SLC16A10: variants seen among roughly 807,000 people sequenced by gnomAD.
SLC16A10 encodes the protein monocarboxylate transporter 10.
A neutral mutation model predicts 40.0 loss-of-function variants in SLC16A10; 27 were observed. That is an observed-to-expected ratio of 0.67 (90% CI 0.50 to 0.93). The LOEUF (loss-of-function observed/expected upper bound fraction) is 0.93, where lower values mean the gene tolerates loss of function less well. SLC16A10 is among the 40% of genes least tolerant of loss of function. SLC16A10 has a pLI of 0.00. For missense variants in SLC16A10, 529 were observed against 658.2 expected (o/e 0.80, Z 2.15); for synonymous variants, 213 against 249.8 (o/e 0.85, Z 1.39).
At chr6:111,218,708 G>C (rs914915999) in intron 4 of SLC16A10, 106 bp from the exon 5 acceptor site, 1 of 864,812 alleles carries the variant, frequency 1.2e-6, no homozygotes, top group Non-Finnish European at 1.9e-6. Flanking sequence ...CAGTGGCAGG[G>C]GGGAAAGGGG....
intron 1 of SLC16A10, among the ~76,000 whole-genome samples, chr6:111,103,492 A>G (rs1771227006): frequency 6.6e-6 from 1 of 152,178 alleles, no homozygotes; most frequent in South Asian, 2.1e-4. Flanking sequence ...TGCTGGGATT[A>G]TAGATGTGAG....
rs993207556 is a variant in SLC16A10, at chr6:111,226,213, T to A, written c.*3978T>A. On this transcript the variant is annotated 3_prime_UTR_variant, in exon 6 of 6. Transcript: ENST00000368851. ...CCATTGCCAAGTCTTTAGCATATTT[T>A]CAGAGAGCGTAATTTTTTACTTTGA... 1.3e-5 allele frequency: 2 copies of A among 152,212 alleles called. No homozygotes were observed. The highest frequency in any genetic ancestry group is 4.8e-5 in the African/African-American group (2 of 41,450). The allele number at this position is 152,212 out of a possible 1,614,324, so 9.4% of individuals were successfully genotyped here. A position where few individuals can be genotyped will look rare whatever the true frequency, so the allele number is the denominator to read the frequency against.
chr6:111,188,895 T>C (rs543459544), intron 3 of SLC16A10, among the ~76,000 whole-genome samples: 5 of 152,332 alleles, frequency 3.3e-5, no homozygotes, highest in South Asian at 2.1e-4. Flanking sequence ...GATAAGAACA[T>C]TGAGGCTCAG....
At chr6:111,139,360 G>A (rs2114500268) in intron 1 of SLC16A10, among the ~76,000 whole-genome samples, 1 of 152,064 alleles carries the variant, frequency 6.6e-6, no homozygotes, top group South Asian at 2.1e-4. Flanking sequence ...GGAGTTCAGT[G>A]GCGTGATCTC....
intron 1 of SLC16A10, among the ~76,000 whole-genome samples, chr6:111,159,059 C>T (rs1053473566): frequency 8.2e-6 from 1 of 122,442 alleles, no homozygotes; most frequent in Non-Finnish European, 1.6e-5. Flanking sequence ...CAAAGCAAGA[C>T]CCTGACTCAA....
At chr6:111,206,233 C>T (rs780914546) in intron 3 of SLC16A10, among the ~76,000 whole-genome samples, 2 of 151,946 alleles carry the variant, frequency 1.3e-5, no homozygotes, top group South Asian at 2.1e-4. Flanking sequence ...TGCGTCACCA[C>T]GCCTGGCTAA....
chr6:111,144,230 GTCTC>G (rs1207721489), intron 1 of SLC16A10, among the ~76,000 whole-genome samples: 1 of 152,152 alleles, frequency 6.6e-6, no homozygotes, highest in African/African-American at 2.4e-5. Flanking sequence ...TTGAGACGGA[GTCTC>G]TCTCTGTCCC....
Position 111,231,156 on chromosome 6 carries a change from ACT to A in SLC16A10, c.*8924_*8925del, listed in dbSNP as rs1771109721. ...TTATTTTACTGTGGAAAAATGTGAT[ACT>A]CTTAGTAAATGCAATAAAAACTTTT... On this transcript the variant is annotated 3_prime_UTR_variant, in exon 6 of 6. Transcript: ENST00000368851. 3 of 149,432 alleles carry A rather than the reference ACT, an allele frequency of 2.0e-5. No homozygotes were observed. The highest frequency in any genetic ancestry group is 7.4e-5 in the African/African-American group (3 of 40,430). The allele number at this position is 149,432 out of a possible 1,614,324, so 9.3% of individuals were successfully genotyped here.
chr6:111,203,692 A>G (rs910868430), intron 3 of SLC16A10, among the ~76,000 whole-genome samples: 3 of 150,930 alleles, frequency 2.0e-5, no homozygotes, highest in Non-Finnish European at 4.4e-5. Context: ...ACTGCACTCC[A>G]GCCTGGGCGA....
chr6:111,190,092 AG>A (rs1379885248), intron 3 of SLC16A10, among the ~76,000 whole-genome samples: 1 of 152,218 alleles, frequency 6.6e-6, no homozygotes, highest in Non-Finnish European at 1.5e-5. Context: ...TAGATACAAT[AG>A]GGGTACATGC....
At chr6:111,108,314 C>T (rs561600708) in intron 1 of SLC16A10, among the ~76,000 whole-genome samples, 6 of 152,136 alleles carry the variant, frequency 3.9e-5, no homozygotes, top group African/African-American at 1.4e-4. Context: ...GCCACTGTGC[C>T]TGGCCTATCT....
chr6:111,152,823 C>CT (rs1406736891), intron 1 of SLC16A10, among the ~76,000 whole-genome samples: 2 of 152,192 alleles, frequency 1.3e-5, no homozygotes, highest in Non-Finnish European at 2.9e-5. Flanking sequence ...CTTTCAAAGA[C>CT]TAAGTGTTCT....
chr6:111,121,040 G>A (rs1007689404), intron 1 of SLC16A10, among the ~76,000 whole-genome samples: 7 of 151,980 alleles, frequency 4.6e-5, no homozygotes, highest in Non-Finnish European at 1.0e-4. Context: ...AAATATTTCT[G>A]TTTTATTCAT....
intron 1 of SLC16A10, among the ~76,000 whole-genome samples, chr6:111,105,016 G>C: frequency 6.6e-6 from 1 of 151,842 alleles, no homozygotes; most frequent in East Asian, 1.9e-4. Flanking sequence ...CCTGTCTTAG[G>C]TATTTCCAAA....
At chr6:111,148,311 A>G (rs1465262203) in intron 1 of SLC16A10, among the ~76,000 whole-genome samples, 1 of 152,208 alleles carries the variant, frequency 6.6e-6, no homozygotes, top group African/African-American at 2.4e-5. Context: ...CAGCCTGTGT[A>G]CGCAGTTTAT....
chr6:111,177,697 T>A (rs1583346197), intron 3 of SLC16A10, 32 bp downstream of exon 3: 1 of 1,462,062 alleles, frequency 6.8e-7, no homozygotes, highest in Admixed American at 2.3e-5. Flanking sequence ...TCATGAATAT[T>A]ACTATTTAAT....
At chr6:111,123,740 T>C (rs1019830071) in intron 1 of SLC16A10, among the ~76,000 whole-genome samples, 1 of 152,214 alleles carries the variant, frequency 6.6e-6, no homozygotes, top group African/African-American at 2.4e-5. Context: ...GTTACTGGAT[T>C]TGAGTCTTTG....
At chr6:111,147,258 A>G (rs1772096574) in intron 1 of SLC16A10, among the ~76,000 whole-genome samples, 1 of 152,248 alleles carries the variant, frequency 6.6e-6, no homozygotes, top group South Asian at 2.1e-4. Context: ...GGCAAAATAC[A>G]GAGTATAATT....
chr6:111,185,988 C>T (rs774565708), intron 3 of SLC16A10, among the ~76,000 whole-genome samples: 1 of 151,888 alleles, frequency 6.6e-6, no homozygotes, highest in Non-Finnish European at 1.5e-5. Context: ...TAGCTTCGAC[C>T]TCCCGGACTC....
Sources: gnomAD v4.1 joint callset for allele counts (sites outside exome capture counted in the v4.1 genomes callset) on GRCh38, gnomAD v4.1.1 for gene constraint, MANE v1.5 for transcripts, NCBI Gene and HGNC (gene_info 2026-07-23, HGNC 2026-07-21) for gene names.